The following ENTREP2 variants were observed in gnomAD, a reference collection of about 807,000 sequenced individuals.
ENTREP2 encodes the protein endosomal transmembrane epsin interactor 2, also known as protein ENTREP2.
chr15:29,300,190 GGGTA>G, the ENTREP2 span, among the ~76,000 whole-genome samples: 1 of 146,358 alleles, frequency 6.8e-6, no homozygotes, highest in Non-Finnish European at 1.5e-5. Context: ...ATGGATGGAT[GGGTA>G]GGTAGGTGGG....
chr15:29,434,297 T>C, the ENTREP2 span, among the ~76,000 whole-genome samples: 28 of 152,242 alleles, frequency 1.8e-4, no homozygotes, highest in Admixed American at 7.2e-4. Flanking sequence ...ATAGGTCTGG[T>C]ATTCATTAAG....
At chr15:29,169,307 C>T in the ENTREP2 span, among the ~76,000 whole-genome samples, 2 of 151,980 alleles carry the variant, frequency 1.3e-5, no homozygotes, top group Admixed American at 1.3e-4. Flanking sequence ...CAAGCATTGT[C>T]AAGAACATTT....
At chr15:29,331,887 A>C in the ENTREP2 span, among the ~76,000 whole-genome samples, 1 of 152,208 alleles carries the variant, frequency 6.6e-6, no homozygotes, top group Non-Finnish European at 1.5e-5. Flanking sequence ...CTGATTCACC[A>C]GTGCAGCTGA....
At chr15:29,432,389 G>A in the ENTREP2 span, among the ~76,000 whole-genome samples, 1 of 152,164 alleles carries the variant, frequency 6.6e-6, no homozygotes, top group Non-Finnish European at 1.5e-5. Context: ...CTCTTCACCA[G>A]GTTTCCACAT....
chr15:29,624,498 A>C, the ENTREP2 span, among the ~76,000 whole-genome samples: 1 of 152,174 alleles, frequency 6.6e-6, no homozygotes, highest in Non-Finnish European at 1.5e-5. Context: ...GTCTCTCTAC[A>C]AATGCTGGAT....
At chr15:29,609,570 C>T in the ENTREP2 span, 1 of 150,084 alleles carries the variant, frequency 6.7e-6, no homozygotes, top group East Asian at 2.0e-4. Context: ...TCACCCCATA[C>T]ACAGTTCCCA....
the ENTREP2 span, among the ~76,000 whole-genome samples, chr15:29,428,040 G>C: frequency 6.6e-6 from 1 of 152,160 alleles, no homozygotes; most frequent in Non-Finnish European, 1.5e-5. Context: ...AAATATTGCA[G>C]TATGTACCTA....
At chr15:29,123,420 A>G in the ENTREP2 span, 1 of 1,551,334 alleles carries the variant, frequency 6.4e-7, no homozygotes, top group Middle Eastern at 1.7e-4. Context: ...AGCGCATGGC[A>G]CCCACCATGT....
At chr15:29,538,282 A>G in the ENTREP2 span, among the ~76,000 whole-genome samples, 2 of 152,166 alleles carry the variant, frequency 1.3e-5, no homozygotes, top group African/African-American at 2.4e-5. Context: ...GGGCAGCTAC[A>G]GGCCTGGAGG....
At chr15:29,512,495 C>T in the ENTREP2 span, among the ~76,000 whole-genome samples, 2 of 152,328 alleles carry the variant, frequency 1.3e-5, no homozygotes, top group Admixed American at 1.3e-4. Context: ...TATGTTGAGG[C>T]ACTAACCCCA....
chr15:29,425,753 A>G, the ENTREP2 span, among the ~76,000 whole-genome samples: 1 of 152,042 alleles, frequency 6.6e-6, no homozygotes, highest in Non-Finnish European at 1.5e-5. Flanking sequence ...CAAAATTTTA[A>G]ATCTATGTTT....
the ENTREP2 span, among the ~76,000 whole-genome samples, chr15:29,482,838 T>C: frequency 2.6e-5 from 4 of 152,350 alleles, no homozygotes; most frequent in African/African-American, 9.6e-5. Flanking sequence ...AAGTTTTTAA[T>C]TCATTTAGGT....
chr15:29,123,482 C>A, the ENTREP2 span: 64 of 1,551,730 alleles, frequency 4.1e-5, no homozygotes, highest in East Asian at 1.5e-3. Context: ...AACTTGGCCA[C>A]CAAAACCCTG....
the ENTREP2 span, among the ~76,000 whole-genome samples, chr15:29,441,781 C>CT: frequency 0.023 from 3,541 of 152,230 alleles, 133 homozygotes; most frequent in African/African-American, 0.082. Context: ...GGTTTCTTTG[C>CT]TGGCATTGTC....
At chr15:29,581,942 GTTTT>G in the ENTREP2 span, among the ~76,000 whole-genome samples, 1 of 138,844 alleles carries the variant, frequency 7.2e-6, no homozygotes. Context: ...AAATATGCTG[GTTTT>G]TTTTTTTTTT....
chr15:29,157,443 C>T, the ENTREP2 span, among the ~76,000 whole-genome samples: 7 of 152,202 alleles, frequency 4.6e-5, no homozygotes, highest in Admixed American at 3.9e-4. Context: ...TACACCTCAG[C>T]ATAGTTTTCC....
At chr15:29,586,359 CA>C in the ENTREP2 span, among the ~76,000 whole-genome samples, 1 of 151,918 alleles carries the variant, frequency 6.6e-6, no homozygotes, top group African/African-American at 2.4e-5. Context: ...TTTGAGGTGA[CA>C]AAAAAGTTCT....
At chr15:29,136,411 G>A in the ENTREP2 span, 15 of 1,537,154 alleles carry the variant, frequency 9.8e-6, no homozygotes, top group South Asian at 2.5e-5. Context: ...ACGGAGGGGG[G>A]AGCTCAGCAG....
chr15:29,242,926 G>C, the ENTREP2 span, among the ~76,000 whole-genome samples: 3 of 152,128 alleles, frequency 2.0e-5, no homozygotes, highest in Non-Finnish European at 4.4e-5. Flanking sequence ...AGCGTGCAGG[G>C]GCAGCCTGAA....
Sources: allele counts gnomAD v4.1 joint callset (sites outside exome capture counted in the v4.1 genomes callset), GRCh38; gene constraint gnomAD v4.1.1; transcripts MANE v1.5; gene names NCBI Gene and HGNC (gene_info 2026-07-23, HGNC 2026-07-21).